The following SDC2 variants were observed in gnomAD, a reference collection of about 807,000 sequenced individuals.
SDC2 encodes syndecan-2.
Under a neutral mutation model 22.2 loss-of-function variants are expected in SDC2, and 13 were observed. The observed-to-expected ratio is 0.59, with a 90% CI of 0.38 to 0.93. The LOEUF is 0.93. SDC2 is among the 40% of genes least tolerant of loss of function. The probability of loss-of-function intolerance (pLI) is 0.00; values close to 1 mark genes in which losing one functional copy is unlikely to be tolerated. For synonymous variants in SDC2, 94 were observed against 92.8 expected (o/e 1.01, Z -0.07); for missense variants, 235 against 246.8 (o/e 0.95, Z 0.32).
Position 96,494,234 on chromosome 8 carries a change from T to G in SDC2, c.-38T>G, listed in dbSNP as rs1813010366. The G allele has an allele frequency of 6.5e-7, 1 of 1,539,186 alleles. No homozygotes were observed. The highest frequency in any genetic ancestry group is 1.4e-5 in the African/African-American group (1 of 73,064). ...GCAGGAGGCTTCGTTTTGCCCTGGT[T>G]GCAAGCAGCGGCTGGGAGCAGCCGG... On this transcript the variant is annotated 5_prime_UTR_variant, in exon 1 of 5. Coordinates refer to ENST00000302190, the MANE Select transcript of SDC2 (RefSeq NM_002998.4).
chr8:96,611,468 C>G lies in SDC2; in HGVS notation c.*1920C>G, dbSNP rs1815174378. The G allele has an allele frequency of 6.6e-6, 1 of 152,528 alleles. No individual in the cohort carries two copies. Among genetic ancestry groups the G allele is most frequent in the Admixed American group, 6.5e-5 (1 of 15,268 alleles). The allele number at this position is 152,528 out of a possible 1,614,324, so 9.4% of individuals were successfully genotyped here. On this transcript the variant is annotated 3_prime_UTR_variant, in exon 5 of 5. Transcript: ENST00000302190. ...ACTTGGAACAGTGTTTACTTTAAAT[C>G]CTTAATGGCCTTAATTAATTCTCAG...
intron 1 of SDC2, among the ~76,000 whole-genome samples, chr8:96,549,003 T>C (rs1194754587): frequency 6.6e-6 from 1 of 152,186 alleles, no homozygotes; most frequent in Non-Finnish European, 1.5e-5. Context: ...TGTTGTGTTG[T>C]GGAAACTTCC....
At chr8:96,580,354 T>C in intron 1 of SDC2, 1 of 984,686 alleles carries the variant, frequency 1.0e-6, no homozygotes, top group Non-Finnish European at 1.2e-6. Flanking sequence ...AGGATGTCTT[T>C]GTTCCAGAGC....
At chr8:96,524,905 T>C (rs1200706797) in intron 1 of SDC2, among the ~76,000 whole-genome samples, 1 of 152,086 alleles carries the variant, frequency 6.6e-6, no homozygotes, top group African/African-American at 2.4e-5. Flanking sequence ...TGGGAAGATG[T>C]GGGGTTTGAG....
At chr8:96,565,084 A>ATGTTTTTTTTTTTTTTTTTTTTTTTTT (rs1814273879) in intron 1 of SDC2, among the ~76,000 whole-genome samples, 1 of 67,800 alleles carries the variant, frequency 1.5e-5, no homozygotes, top group Non-Finnish European at 2.9e-5. Flanking sequence ...CCTAAATTTG[A>ATGTTTTTTTTTTTTTTTTTTTTTTTTT]TTTTTTTTTT....
At chr8:96,590,605 G>A (rs2704261) in intron 1 of SDC2, among the ~76,000 whole-genome samples, 29,213 of 152,042 alleles carry the variant, frequency 0.19, 3,290 homozygotes, top group East Asian at 0.37. Flanking sequence ...CTTCATAAAA[G>A]GAATTTGTCA....
At chr8:96,602,352 G>A in intron 2 of SDC2, 43 bp from the exon 3 acceptor site, 3 of 1,602,786 alleles carry the variant, frequency 1.9e-6, no homozygotes, top group Non-Finnish European at 1.7e-6. Flanking sequence ...AGACATCTGT[G>A]TCATGATTGC....
At chr8:96,496,168 G>A (rs1338659121) in intron 1 of SDC2, among the ~76,000 whole-genome samples, 1 of 152,134 alleles carries the variant, frequency 6.6e-6, no homozygotes, top group African/African-American at 2.4e-5. Context: ...TGGGATTCTG[G>A]AGAAAGAATG....
intron 1 of SDC2, among the ~76,000 whole-genome samples, chr8:96,579,135 C>T (rs930850731): frequency 6.6e-6 from 1 of 152,238 alleles, no homozygotes; most frequent in Non-Finnish European, 1.5e-5. Context: ...AGGTGCCACG[C>T]TGACAATAAA....
chr8:96,527,479 A>T (rs1253107216), intron 1 of SDC2, among the ~76,000 whole-genome samples: 2 of 152,004 alleles, frequency 1.3e-5, no homozygotes, highest in Admixed American at 1.3e-4. Context: ...TTATTCTCCT[A>T]CTTACATGCC....
At chr8:96,507,357 T>C (rs546715767) in intron 1 of SDC2, among the ~76,000 whole-genome samples, 1 of 152,382 alleles carries the variant, frequency 6.6e-6, no homozygotes, top group East Asian at 1.9e-4. Flanking sequence ...ATAAATGAAA[T>C]ACCATGAAAC....
intron 1 of SDC2, among the ~76,000 whole-genome samples, chr8:96,555,099 T>C (rs1480432230): frequency 1.3e-5 from 2 of 151,970 alleles, no homozygotes; most frequent in African/African-American, 2.4e-5. Context: ...TTTTCTGCAG[T>C]GTATTTTTGT....
At chr8:96,605,931 A>G (rs1049971797) in intron 3 of SDC2, among the ~76,000 whole-genome samples, 1 of 152,120 alleles carries the variant, frequency 6.6e-6, no homozygotes, top group African/African-American at 2.4e-5. Context: ...AGAAGGTGTG[A>G]GGTCTTTTCT....
intron 1 of SDC2, among the ~76,000 whole-genome samples, chr8:96,583,525 T>G (rs1220508191): frequency 4.0e-5 from 6 of 151,378 alleles, no homozygotes; most frequent in Admixed American, 2.6e-4. Flanking sequence ...GGTCTTGTGC[T>G]TTCTGTGCTT....
At chr8:96,527,219 C>T (rs944494255) in intron 1 of SDC2, among the ~76,000 whole-genome samples, 1 of 149,862 alleles carries the variant, frequency 6.7e-6, no homozygotes, top group Admixed American at 6.6e-5. Context: ...GGTTTGGGAG[C>T]TTCATTATTT....
chr8:96,608,308 G>T (rs1343246494), intron 3 of SDC2, 27 bp from the exon 4 acceptor site: 1 of 1,601,542 alleles, frequency 6.2e-7, no homozygotes, highest in African/African-American at 1.3e-5. Flanking sequence ...TTAAATCAAT[G>T]TAATCTTTCC....
At chr8:96,526,813 C>T (rs376554074) in intron 1 of SDC2, among the ~76,000 whole-genome samples, 17 of 152,200 alleles carry the variant, frequency 1.1e-4, no homozygotes, top group South Asian at 4.1e-4. Flanking sequence ...TTTCCCCTGA[C>T]GATCCATTGG....
At chr8:96,593,043 T>G (rs532953453) in intron 1 of SDC2, among the ~76,000 whole-genome samples, 1 of 152,206 alleles carries the variant, frequency 6.6e-6, no homozygotes, top group South Asian at 2.1e-4. Flanking sequence ...TGGGTGATTA[T>G]TTAGCCTAAG....
intron 1 of SDC2, among the ~76,000 whole-genome samples, chr8:96,563,286 T>C (rs1030763750): frequency 6.6e-6 from 1 of 152,148 alleles, no homozygotes; most frequent in Non-Finnish European, 1.5e-5. Flanking sequence ...CTCCAAAATT[T>C]TCAAGAGCTC....
Sources: allele counts gnomAD v4.1 joint callset (sites outside exome capture counted in the v4.1 genomes callset), GRCh38; gene constraint gnomAD v4.1.1; transcripts MANE v1.5; gene names NCBI Gene and HGNC (gene_info 2026-07-23, HGNC 2026-07-21).